Variants in CEP164 observed in about 807,000 individuals in gnomAD.
The protein encoded by CEP164 is centrosomal protein 164.
Under a neutral mutation model 182.7 loss-of-function variants are expected in CEP164, and 162 were observed. The ratio of observed to expected loss-of-function variants is 0.89; its 90% CI spans 0.78 to 1.01. The LOEUF is 1.01. CEP164 is among the 50% of genes least tolerant of loss of function. The probability of loss-of-function intolerance (pLI) is 0.00; values close to 1 mark genes in which losing one functional copy is unlikely to be tolerated. For synonymous variants in CEP164, 661 were observed against 690.0 expected (o/e 0.96, Z 0.66); for missense variants, 1,735 against 1,790.4 (o/e 0.97, Z 0.56).
At chr11:117,344,145 C>T (rs1191835122) in intron 3 of CEP164, 21 bp from the exon 4 acceptor site, 2 of 1,465,474 alleles carry the variant, frequency 1.4e-6, no homozygotes, top group Admixed American at 1.8e-5. Flanking sequence ...CTTACTTTCC[C>T]ACCTCTGCCT....
At chr11:117,360,140 A>T (rs2040766746) in intron 5 of CEP164, among the ~76,000 whole-genome samples, 1 of 151,424 alleles carries the variant, frequency 6.6e-6, no homozygotes, top group African/African-American at 2.4e-5. Context: ...GTTAGTGTTG[A>T]TTTTTTTTCC....
At chr11:117,338,743 A>G in intron 3 of CEP164, 75 bp downstream of exon 3, 1 of 1,174,056 alleles carries the variant, frequency 8.5e-7, no homozygotes, top group Non-Finnish European at 1.3e-6. Context: ...GTTTATTTTT[A>G]TTCTTTCAGT....
rs771336364 is a variant in CEP164, at chr11:117,375,744, C to T, written c.1270C>T (p.Leu424=). 3.1e-6 allele frequency: 5 copies of T among 1,614,116 alleles called. No individual in the cohort carries two copies. In the South Asian group the frequency reaches 5.5e-5, roughly 18 times the overall value. The change falls in exon 11 of 33, where the codon CTG becomes TTG. Residue 424 remains leucine (L), a synonymous_variant. Coordinates refer to ENST00000278935, the MANE Select transcript of CEP164 (RefSeq NM_014956.5). ...GFRSRISEHL[L]DVDVLSPVLG... is the part of the protein sequence containing the mutation. ...TCGCAGCCGGATCTCGGAGCACCTG[C>T]TGGATGTTGATGTGCTTTCCCCAGT...
chr11:117,380,746 G>A (rs777882422), intron 12 of CEP164, 41 bp downstream of exon 12: 44 of 1,543,566 alleles, frequency 2.9e-5, no homozygotes, highest in Non-Finnish European at 3.8e-5. Flanking sequence ...TGTGCCTTCA[G>A]GGTGGTGTGG....
intron 27 of CEP164, among the ~76,000 whole-genome samples, chr11:117,398,971 T>C (rs1273344312): frequency 6.6e-6 from 1 of 152,030 alleles, no homozygotes; most frequent in Non-Finnish European, 1.5e-5. Context: ...AAAAAATGGG[T>C]TTTTCTTTTC....
At position 117,396,048 on chromosome 11, in the gene CEP164, C is replaced by T; in HGVS notation, c.3090-6C>T. ...CCCTGCCTCTCACTCATCTTTCCTT[C>T]CACAGCAGCCTGGAGGCTGAAGCTC... On this transcript the variant is annotated splice_polypyrimidine_tract_variant and splice_region_variant and intron_variant, in intron 24 of 32. Coordinates refer to ENST00000278935, the MANE Select transcript of CEP164 (RefSeq NM_014956.5). The T allele has an allele frequency of 6.2e-7, 1 of 1,614,134 alleles. No homozygotes were observed. Among genetic ancestry groups the T allele is most frequent in the Non-Finnish European group, 8.5e-7 (1 of 1,180,002 alleles).
intron 10 of CEP164, 43 bp from the exon 11 acceptor site, chr11:117,375,665 G>A: frequency 6.3e-7 from 1 of 1,577,336 alleles, no homozygotes; most frequent in South Asian, 1.1e-5. Flanking sequence ...GGTGTTGACT[G>A]TGACAGAGGC....
chr11:117,386,167 G>A (rs1316327919), intron 14 of CEP164: 1 of 152,266 alleles, frequency 6.6e-6, no homozygotes, highest in Non-Finnish European at 1.5e-5. Flanking sequence ...AACAGCCTGA[G>A]TGCTGTGCGA....
intron 20 of CEP164, among the ~76,000 whole-genome samples, chr11:117,393,390 CTT>C (rs2044983240): frequency 6.6e-6 from 1 of 152,166 alleles, no homozygotes; most frequent in Non-Finnish European, 1.5e-5. Context: ...GGCAATTCCT[CTT>C]TTATCAGGCA....
intron 5 of CEP164, chr11:117,356,399 G>A (rs2040299600): frequency 2.5e-6 from 3 of 1,204,404 alleles, no homozygotes; most frequent in Non-Finnish European, 3.2e-6. Flanking sequence ...GGGTGAGCAC[G>A]AGGCCATCAG....
At chr11:117,371,812 T>A (rs1263749576) in intron 9 of CEP164, among the ~76,000 whole-genome samples, 7 of 137,614 alleles carry the variant, frequency 5.1e-5, no homozygotes, top group Non-Finnish European at 7.9e-5. Flanking sequence ...TTTTTTTTTC[T>A]GTTGTTTTGA....
At chr11:117,348,497 G>C (rs567109721) in intron 4 of CEP164, among the ~76,000 whole-genome samples, 33 of 152,018 alleles carry the variant, frequency 2.2e-4, no homozygotes, top group South Asian at 1.2e-3. Flanking sequence ...TGATTATTCT[G>C]GGTATTCTGG....
At position 117,394,296 on chromosome 11, in the gene CEP164, T is replaced by C. The variant is rs564164329; in HGVS notation, c.2617-54T>C. On this transcript the variant is annotated intron_variant, in intron 20 of 32. Transcript: ENST00000278935. This position sits in a 1 kb window ranked among gnomAD's most constrained non-coding sequence, Gnocchi z 4.0. The stretch of plus-strand genomic sequence containing the variant: ...GCAGGGCTAGGGGAGCTGTGATTTT[T>C]GTGGTAGAAGGGGCTGCCGCAGCTT... The C allele has an allele frequency of 1.9e-6, 3 of 1,554,128 alleles. No individual in the cohort carries two copies. Among genetic ancestry groups the C allele is most frequent in the Non-Finnish European group, 2.6e-6 (3 of 1,148,250 alleles).
upstream of CEP164, chr11:117,323,878 C>G (rs1475914100): frequency 7.3e-6 from 3 of 411,046 alleles, no homozygotes; most frequent in African/African-American, 6.1e-5. Context: ...ACCTGTTGGC[C>G]ATTTGTATAT....
At chr11:117,353,689 T>C (rs1346571553) in intron 5 of CEP164, among the ~76,000 whole-genome samples, 1 of 152,084 alleles carries the variant, frequency 6.6e-6, no homozygotes, top group African/African-American at 2.4e-5. Context: ...CAAATGTGAG[T>C]TTGTCCAGGG....
chr11:117,350,548 A>T (rs189217810), intron 4 of CEP164, among the ~76,000 whole-genome samples: 1 of 152,100 alleles, frequency 6.6e-6, no homozygotes, highest in African/African-American at 2.4e-5. Context: ...TCATTTGCAT[A>T]TCTTCTATCA....
rs1392538003 is a variant in CEP164, at chr11:117,411,455, A to T, written c.4164-340A>T. On this transcript the variant is annotated intron_variant, in intron 31 of 32. Coordinates refer to ENST00000278935, the MANE Select transcript of CEP164 (RefSeq NM_014956.5). The surrounding 1 kb of genome is among the most constrained non-coding windows in gnomAD (Gnocchi z 4.4). ...AGCTAACAGTGAGTACCCCCCACTA[A>T]CCCTTTGGCCAACTTGAGAGCTGAT... 9.6e-6 allele frequency: 3 copies of T among 312,842 alleles called. No homozygotes were observed. The highest frequency in any genetic ancestry group is 2.1e-5 in the African/African-American group (1 of 47,046). 19.4% of individuals were successfully genotyped at this position (312,842 alleles called of 1,614,324 possible).
At chr11:117,378,521 ATGG>A (rs2042985890) in intron 11 of CEP164, among the ~76,000 whole-genome samples, 1 of 152,152 alleles carries the variant, frequency 6.6e-6, no homozygotes, top group African/African-American at 2.4e-5. Flanking sequence ...TGAATACACC[ATGG>A]TTTATTTAAC....
At chr11:117,404,647 G>A (rs1002077450) in intron 27 of CEP164, among the ~76,000 whole-genome samples, 3 of 152,256 alleles carry the variant, frequency 2.0e-5, no homozygotes, top group South Asian at 4.1e-4. Flanking sequence ...CCCACTTGAG[G>A]AGGCAGTCTG....
Sources: gnomAD v4.1 joint callset for allele counts (sites outside exome capture counted in the v4.1 genomes callset) on GRCh38, gnomAD v4.1.1 for gene constraint, Gnocchi (gnomAD v3.1) non-coding constraint, MANE v1.5 for transcripts, NCBI Gene and HGNC (gene_info 2026-07-23, HGNC 2026-07-21) for gene names.